Variants in ERBIN observed in about 807,000 individuals in gnomAD.
ERBIN encodes the protein densin-180-like protein.
Under a neutral mutation model 158.4 loss-of-function variants are expected in ERBIN, and 60 were observed. The ratio of observed to expected loss-of-function variants is 0.38; its 90% CI spans 0.31 to 0.47. ERBIN has a LOEUF of 0.47. Among genes scored for constraint, ERBIN ranks in the 20% least tolerant of loss-of-function variants. ERBIN has a pLI of 0.99. For missense variants in ERBIN, 1,610 were observed against 1,648.0 expected, an observed-to-expected ratio of 0.98 and a Z score of 0.40; for synonymous variants, 594 against 557.2, an observed-to-expected ratio of 1.07 and a Z score of -0.93.
chr5:65,996,592 G>T (rs1023554705), intron 4 of ERBIN, among the ~76,000 whole-genome samples: 3 of 151,930 alleles, frequency 2.0e-5, no homozygotes, highest in African/African-American at 7.3e-5. Flanking sequence ...AGTTCTTTTT[G>T]TTCACCGTTG....
At chr5:65,990,762 A>C (rs1402400920) in intron 2 of ERBIN, among the ~76,000 whole-genome samples, 1 of 151,204 alleles carries the variant, frequency 6.6e-6, no homozygotes. Flanking sequence ...TAGTAAAAAA[A>C]AAATTTTTTT....
At chr5:66,027,581 A>G (rs1756413954) in intron 13 of ERBIN, among the ~76,000 whole-genome samples, 1 of 152,092 alleles carries the variant, frequency 6.6e-6, no homozygotes, top group Non-Finnish European at 1.5e-5. Context: ...TTCCCTAAAC[A>G]ATACAGTATA....
At position 65,949,643 on chromosome 5, in the gene ERBIN, C is replaced by T. The variant is rs553434381; in HGVS notation, c.-58+22837C>T. Among the ~76,000 whole-genome samples the T allele has an allele frequency of 2.1e-4, 32 of 152,180 alleles. No homozygotes were observed. In the East Asian group the frequency reaches 5.6e-3, roughly 27 times the overall value. ...TTTCTAGAAGAACTGCTAAATAGTC[C>T]AGAGGATTCTTAGTATCAACATCTT... On this transcript the variant is annotated intron_variant, in intron 1 of 25. Coordinates refer to ENST00000284037, the MANE Select transcript of ERBIN (RefSeq NM_001253697.2).
chr5:66,052,197 CAAA>C (rs200101195), intron 20 of ERBIN, among the ~76,000 whole-genome samples: 9 of 59,248 alleles, frequency 1.5e-4, no homozygotes, highest in African/African-American at 1.2e-4. Flanking sequence ...GACCCGGTCT[CAAA>C]AAAAAAAAAA....
chr5:66,014,616 TATTAA>T, intron 6 of ERBIN, 48 bp from the exon 7 acceptor site: 2 of 849,270 alleles, frequency 2.4e-6, no homozygotes, highest in Non-Finnish European at 3.6e-6. Flanking sequence ...GAAATTAATT[TATTAA>T]ATTCATTGTC....
intron 1 of ERBIN, among the ~76,000 whole-genome samples, chr5:65,943,027 A>G (rs1745260581): frequency 6.6e-6 from 1 of 152,212 alleles, no homozygotes; most frequent in African/African-American, 2.4e-5. Context: ...TATTATTAAC[A>G]TCTTGCATTC....
chr5:65,994,792 A>G lies in ERBIN; in HGVS notation c.235A>G (p.Asn79Asp), dbSNP rs750979131. 1 of 1,609,224 alleles carries G rather than the reference A, an allele frequency of 6.2e-7. No individual in the cohort carries two copies. Among genetic ancestry groups the G allele is most frequent in the Non-Finnish European group, 8.5e-7 (1 of 1,178,666 alleles). The part of the protein sequence containing the change: ...QSLHKLSLPD[N>D]DLTTLPASIA... ...TTTACACAAACTGAGTTTGCCAGACAATGATTTAACAACGTTACCAGCATC... is the reference window on the plus strand; with the variant it reads ...TTTACACAAACTGAGTTTGCCAGACGATGATTTAACAACGTTACCAGCATC... Residue 79 changes from asparagine (N) to aspartate (D), a missense_variant, in exon 4 of 26, where the codon AAT becomes GAT. Transcript: ENST00000284037.
chr5:66,024,834 T>A (rs1165842769), intron 10 of ERBIN, among the ~76,000 whole-genome samples: 4 of 152,094 alleles, frequency 2.6e-5, no homozygotes, highest in Non-Finnish European at 5.9e-5. Flanking sequence ...TATGATTGAG[T>A]CTGTGTAGTT....
intron 4 of ERBIN, among the ~76,000 whole-genome samples, chr5:66,005,541 G>A (rs1437000590): frequency 2.0e-5 from 3 of 152,078 alleles, no homozygotes; most frequent in Admixed American, 6.6e-5. Context: ...GCTAAAGAAT[G>A]AGCCCTGGTT....
At chr5:65,997,297 T>G (rs937707469) in intron 4 of ERBIN, among the ~76,000 whole-genome samples, 1 of 152,186 alleles carries the variant, frequency 6.6e-6, no homozygotes, top group African/African-American at 2.4e-5. Flanking sequence ...CCTGATGTGT[T>G]GAGAGTTTAT....
Position 66,014,725 on chromosome 5 carries a change from A to G in ERBIN, c.533A>G (p.Lys178Arg), listed in dbSNP as rs2151111427. Residue 178 changes from lysine to arginine, a missense_variant and splice_region_variant, in exon 7 of 26, where the codon AAA (lysine) becomes AGA (arginine). Physicochemically the swap from Lys to Arg is conservative, Grantham distance 26. Around this residue, in one of 2 missense-constraint regions of ERBIN, gnomAD observed 596 missense variants for 711.9 expected, o/e 0.84. Transcript: ENST00000284037. ...GAAAACCAGTTAAAAATGTTGCCTA[A>G]GTAAGTAAAGGTGCTATTCTTTAAA... ...LRENQLKMLP[K>R]TMNRLTQLER... 1.4e-6 allele frequency: 2 copies of G among 1,417,998 alleles called. No homozygotes were observed. The highest frequency in any genetic ancestry group is 1.9e-6 in the Non-Finnish European group (2 of 1,045,198). The allele number at this position is 1,417,998 out of a possible 1,614,324, so 87.8% of individuals were successfully genotyped here.
At chr5:66,028,370 T>C in intron 14 of ERBIN, 27 bp downstream of exon 14, 1 of 1,581,956 alleles carries the variant, frequency 6.3e-7, no homozygotes, top group Non-Finnish European at 8.7e-7. Flanking sequence ...TATAAGTTAA[T>C]GGAGTTCTTA....
chr5:65,963,792 CTT>C (rs5868429), intron 1 of ERBIN, among the ~76,000 whole-genome samples: 111 of 122,950 alleles, frequency 9.0e-4, no homozygotes, highest in Middle Eastern at 8.7e-3. Context: ...TCTTTCTTTT[CTT>C]TTTTTTTTTT....
At chr5:66,013,453 C>G in intron 5 of ERBIN, 96 bp from the exon 6 acceptor site, 1 of 906,948 alleles carries the variant, frequency 1.1e-6, no homozygotes, top group Non-Finnish European at 1.8e-6. Flanking sequence ...CGACTGTTTT[C>G]TGTCTGTTGG....
At chr5:66,018,482 ATATAT>A (rs1174930282) in intron 7 of ERBIN, among the ~76,000 whole-genome samples, 285 of 13,472 alleles carry the variant, frequency 0.021, 97 homozygotes, top group Non-Finnish European at 0.029. Flanking sequence ...ATTATATATT[ATATAT>A]TATATTATAT....
chr5:66,073,030 T>C (rs764274350), intron 22 of ERBIN, among the ~76,000 whole-genome samples: 1 of 152,200 alleles, frequency 6.6e-6, no homozygotes, highest in Non-Finnish European at 1.5e-5. Context: ...CTCTTTTAAT[T>C]GAGCTTTGTC....
rs563853403 is a variant in ERBIN, at chr5:66,020,109, C to T, written c.534-1213C>T. Among the ~76,000 whole-genome samples the T allele has an allele frequency of 2.6e-5, 4 of 152,056 alleles. 1 individual carries two copies. Among genetic ancestry groups the T allele is most frequent in the African/African-American group, 9.6e-5 (4 of 41,516 alleles). ...CAGAATTATGGTACCTGAGAATAGG[C>T]ACTTAGTAAATCTAGGTGAAAGCAG... On this transcript the variant is annotated intron_variant, in intron 7 of 25. Transcript: ENST00000284037.
intron 24 of ERBIN, 182 bp downstream of exon 24, chr5:66,076,590 A>T (rs1451618421): frequency 1.6e-6 from 1 of 615,222 alleles, no homozygotes; most frequent in Non-Finnish European, 2.8e-6. Context: ...AAACAATTTA[A>T]CCAAAAACTA....
intron 1 of ERBIN, among the ~76,000 whole-genome samples, chr5:65,987,345 G>A (rs1410468582): frequency 1.2e-5 from 1 of 85,926 alleles, no homozygotes; most frequent in African/African-American, 4.4e-5. Flanking sequence ...GACCAGCTTG[G>A]GCAACATAGT....
Sources: allele counts gnomAD v4.1 joint callset (sites outside exome capture counted in the v4.1 genomes callset), GRCh38; gene constraint gnomAD v4.1.1; regional missense constraint gnomAD v4.1.1; transcripts MANE v1.5; gene names NCBI Gene and HGNC (gene_info 2026-07-23, HGNC 2026-07-21).